UNC13C: variants seen among roughly 807,000 people sequenced by gnomAD.
UNC13C encodes the protein unc-13 homolog C.
Under a neutral mutation model 245.4 loss-of-function variants are expected in UNC13C, and 174 were observed. That is an observed-to-expected ratio of 0.71 (90% CI 0.63 to 0.80). The LOEUF (loss-of-function observed/expected upper bound fraction) is 0.80. Among genes scored for constraint, UNC13C ranks in the 30% least tolerant of loss-of-function variants. UNC13C has a pLI of 0.00. For synonymous variants in UNC13C, 992 were observed against 895.1 expected (o/e 1.11, Z -1.93); for missense variants, 2,829 against 2,602.9 (o/e 1.09, Z -1.89).
At chr15:54,402,488 T>C (rs1247817985) in intron 18 of UNC13C, among the ~76,000 whole-genome samples, 1 of 152,162 alleles carries the variant, frequency 6.6e-6, no homozygotes, top group Non-Finnish European at 1.5e-5. Flanking sequence ...AGAGTTGATC[T>C]TGAATTTTTC....
chr15:53,944,615 A>T, the UNC13C span, among the ~76,000 whole-genome samples: 3 of 152,194 alleles, frequency 2.0e-5, 1 homozygote, highest in Admixed American at 2.0e-4. Flanking sequence ...GCTGTATAGT[A>T]TATATGTACC....
intron 7 of UNC13C, among the ~76,000 whole-genome samples, chr15:54,238,099 C>A (rs1345734858): frequency 5.3e-4 from 31 of 58,550 alleles, no homozygotes; most frequent in Non-Finnish European, 7.4e-4. Context: ...TTTTTTGAGA[C>A]AGAATCTCAC....
At position 54,012,778 on chromosome 15, in the gene UNC13C, C is replaced by G; in HGVS notation, c.-126C>G. 2.7e-6 allele frequency: 2 copies of G among 728,792 alleles called. No homozygotes were observed. 45.1% of individuals were successfully genotyped at this position (728,792 alleles called of 1,614,324 possible). A position where few individuals can be genotyped will look rare whatever the true frequency, so the allele number is the denominator to read the frequency against. On this transcript the variant is annotated 5_prime_UTR_variant, in exon 2 of 33. Transcript: ENST00000260323. ...CGACAATGTGGCAGAGCCATGCCTG[C>G]CCTTCCTGCTCTTTCCAGTGATTCA...
chr15:54,334,546 G>T (rs911437090), intron 16 of UNC13C, among the ~76,000 whole-genome samples: 1 of 151,756 alleles, frequency 6.6e-6, no homozygotes, highest in African/African-American at 2.4e-5. Flanking sequence ...TTTTTTCTTT[G>T]CATTTGCCCA....
chr15:54,486,516 A>G (rs1022015827), intron 19 of UNC13C, among the ~76,000 whole-genome samples: 1 of 152,140 alleles, frequency 6.6e-6, no homozygotes, highest in African/African-American at 2.4e-5. Context: ...TAGTCAATAA[A>G]TATATGTTGT....
At chr15:54,035,580 C>T (rs2141024360) in intron 2 of UNC13C, among the ~76,000 whole-genome samples, 1 of 152,170 alleles carries the variant, frequency 6.6e-6, no homozygotes, top group East Asian at 1.9e-4. Context: ...ACCTAGAGCC[C>T]ATTCTTAGAT....
the UNC13C span, among the ~76,000 whole-genome samples, chr15:53,839,185 C>T: frequency 6.6e-6 from 1 of 151,906 alleles, no homozygotes; most frequent in South Asian, 2.1e-4. Flanking sequence ...TGTCTCCCAG[C>T]AACATGTTTA....
At chr15:54,107,574 T>C (rs576610073) in intron 2 of UNC13C, among the ~76,000 whole-genome samples, 1 of 152,302 alleles carries the variant, frequency 6.6e-6, no homozygotes, top group African/African-American at 2.4e-5. Flanking sequence ...AAGTTTATGA[T>C]ATTAATTCAG....
intron 29 of UNC13C, among the ~76,000 whole-genome samples, chr15:54,557,140 A>G (rs1897126368): frequency 6.6e-6 from 1 of 152,004 alleles, no homozygotes; most frequent in African/African-American, 2.4e-5. Context: ...TTGTGGACAA[A>G]ACTACTATTT....
At position 54,583,851 on chromosome 15, in the gene UNC13C, G is replaced by A. The variant is rs1026479897; in HGVS notation, c.6106+15904G>A. On this transcript the variant is annotated intron_variant, in intron 30 of 32. Transcript: ENST00000260323. ...GCTGCTGACCATGATCAAACCTAAC[G>A]GCCAACACCAGAGTCCTGTGAATAA... 5.3e-5 allele frequency among the ~76,000 whole-genome samples: 8 copies of A among 152,040 alleles called. No individual in the cohort carries two copies. In the South Asian group the frequency reaches 6.2e-4, roughly 12 times the overall value.
At chr15:53,989,654 C>G (rs1894295724) in intron 1 of UNC13C, among the ~76,000 whole-genome samples, 1 of 152,008 alleles carries the variant, frequency 6.6e-6, no homozygotes, top group African/African-American at 2.4e-5. Flanking sequence ...ATTTTAAATT[C>G]TCCAGGGAAC....
chr15:54,501,249 C>G (rs936147107), intron 22 of UNC13C, among the ~76,000 whole-genome samples: 10 of 152,102 alleles, frequency 6.6e-5, no homozygotes, highest in Non-Finnish European at 1.3e-4. Flanking sequence ...TTCCAAATTA[C>G]TCCCATTTCA....
chr15:54,408,113 G>A (rs560444452), intron 18 of UNC13C, among the ~76,000 whole-genome samples: 80 of 147,098 alleles, frequency 5.4e-4, no homozygotes, highest in Non-Finnish European at 9.2e-4. Context: ...AGGCAGGAGA[G>A]TGGCATGAAC....
the UNC13C span, among the ~76,000 whole-genome samples, chr15:53,842,929 T>C: frequency 6.7e-6 from 1 of 148,582 alleles, no homozygotes; most frequent in Non-Finnish European, 1.5e-5. Context: ...ATGTAAAAAT[T>C]AAAATAGATA....
chr15:54,117,383 A>C (rs1471309747), intron 2 of UNC13C, among the ~76,000 whole-genome samples: 4 of 151,956 alleles, frequency 2.6e-5, no homozygotes, highest in Admixed American at 2.6e-4. Flanking sequence ...TTCCAATATT[A>C]TCTTCTAGTA....
At chr15:54,498,817 C>T (rs1040228518) in intron 20 of UNC13C, among the ~76,000 whole-genome samples, 2 of 152,112 alleles carry the variant, frequency 1.3e-5, no homozygotes, top group African/African-American at 4.8e-5. Flanking sequence ...CAATTCCCCC[C>T]ACATGGACCT....
chr15:54,161,995 G>GGATTTGT (rs1555425158), intron 4 of UNC13C, among the ~76,000 whole-genome samples: 1 of 152,020 alleles, frequency 6.6e-6, no homozygotes, highest in Non-Finnish European at 1.5e-5. Flanking sequence ...TGTCACAGAG[G>GGATTTGT]GATTTGTGAT....
At chr15:54,186,943 G>T (rs1362055255) in intron 4 of UNC13C, among the ~76,000 whole-genome samples, 1 of 151,434 alleles carries the variant, frequency 6.6e-6, no homozygotes, top group African/African-American at 2.4e-5. Flanking sequence ...CTACCTCCCA[G>T]GTTCAAGCGA....
chr15:54,558,883 T>C (rs1396201654), intron 29 of UNC13C, among the ~76,000 whole-genome samples: 1 of 152,076 alleles, frequency 6.6e-6, no homozygotes, highest in Non-Finnish European at 1.5e-5. Flanking sequence ...AAAGGCGTTC[T>C]AGCTGGACTT....
Sources: allele counts gnomAD v4.1 joint callset (sites outside exome capture counted in the v4.1 genomes callset), GRCh38; gene constraint gnomAD v4.1.1; transcripts MANE v1.5; gene names NCBI Gene and HGNC (gene_info 2026-07-23, HGNC 2026-07-21).